FUT8: variants seen among roughly 807,000 people sequenced by gnomAD.
FUT8 encodes fucosyltransferase 8.
Under a neutral mutation model 71.3 loss-of-function variants are expected in FUT8, and 29 were observed. That is an observed-to-expected ratio of 0.41 (90% CI 0.30 to 0.55). FUT8 has a LOEUF of 0.55. Ranked by LOEUF, FUT8 falls within the 20% of genes least tolerant of loss-of-function variation. The probability of loss-of-function intolerance (pLI) is 0.34; values close to 1 mark genes in which losing one functional copy is unlikely to be tolerated. For missense variants in FUT8, 544 were observed against 702.1 expected, an observed-to-expected ratio of 0.77 and a Z score of 2.55; for synonymous variants, 254 against 239.3, an observed-to-expected ratio of 1.06 and a Z score of -0.57.
In FUT8 at chr14:65,742,354, G is replaced by A. The variant is rs1896546419; in HGVS notation, c.1672G>A (p.Val558Ile). 1.2e-6 allele frequency: 2 copies of A among 1,612,768 alleles called. No individual in the cohort carries two copies. The highest frequency in any genetic ancestry group is 1.7e-6 in the Non-Finnish European group (2 of 1,179,204). The stretch of plus-strand genomic sequence containing the variant: ...GACGGGCCTATATCCCTCCTACAAA[G>A]TTCGAGAGAAGATAGAAACGGTCAA... ...GRTGLYPSYK[V>I]REKIETVKYP... Residue 558 changes from valine (V) to isoleucine (I), a missense_variant, in exon 11 of 11, where the codon GTT (valine) becomes ATT (isoleucine). Transcript: ENST00000673929.
intron 2 of FUT8, among the ~76,000 whole-genome samples, chr14:65,508,608 C>T (rs1462510888): frequency 1.5e-5 from 2 of 136,196 alleles, no homozygotes; most frequent in Non-Finnish European, 3.1e-5. Flanking sequence ...TCAAGCAATT[C>T]TGTTGCCTCA....
chr14:65,421,745 C>CA lies in FUT8; in HGVS notation c.-326+8531_-326+8532insA, dbSNP rs2065299968. Among the ~76,000 whole-genome samples the CA allele has an allele frequency of 4.7e-5, 3 of 64,434 alleles. 1 individual carries two copies. Among genetic ancestry groups the CA allele is most frequent in the African/African-American group, 1.4e-4 (3 of 21,274 alleles). The allele number at this position is 64,434 out of a possible 152,430, so 42.3% of individuals were successfully genotyped here. A position where few individuals can be genotyped will look rare whatever the true frequency, so the allele number is the denominator to read the frequency against. ...TCTTGAAACCCTTTAACCCACCCCC[C>CA]CCTTTTTTTTTTTTTGCCATATCCA... is the stretch of plus-strand genomic sequence containing the variant. On this transcript the variant is annotated intron_variant, in intron 1 of 10. Coordinates refer to ENST00000673929, the MANE Select transcript of FUT8 (RefSeq NM_001371533.1).
chr14:65,524,507 T>C (rs1781341565), intron 2 of FUT8, among the ~76,000 whole-genome samples: 1 of 152,220 alleles, frequency 6.6e-6, no homozygotes, highest in Non-Finnish European at 1.5e-5. Context: ...TATACAATCA[T>C]GTCATCTGCA....
chr14:65,658,072 C>G (rs1891774703), intron 6 of FUT8, among the ~76,000 whole-genome samples: 1 of 152,024 alleles, frequency 6.6e-6, no homozygotes, highest in Non-Finnish European at 1.5e-5. Context: ...ACATGTCCAA[C>G]GAAGGCATGT....
In FUT8 at chr14:65,413,787, C is replaced by G. The variant is rs2065178140; in HGVS notation, c.-326+573C>G. Among the ~76,000 whole-genome samples, 1 of 152,162 alleles carries G rather than the reference C, an allele frequency of 6.6e-6. No individual in the cohort carries two copies. The highest frequency in any genetic ancestry group is 1.5e-5 in the Non-Finnish European group (1 of 68,030). On this transcript the variant is annotated intron_variant, in intron 1 of 10. Coordinates refer to ENST00000673929, the MANE Select transcript of FUT8 (RefSeq NM_001371533.1). This position sits in a 1 kb window ranked among gnomAD's most constrained non-coding sequence, Gnocchi z 4.1. ...TCCCTTTTGATGTGCAAATGACGAG[C>G]TGGCGGCTTTTGAGTATCAACTTAT...
At chr14:65,525,213 G>A (rs1012041817) in intron 2 of FUT8, among the ~76,000 whole-genome samples, 16 of 151,872 alleles carry the variant, frequency 1.1e-4, no homozygotes, top group Non-Finnish European at 2.1e-4. Context: ...TTGGTTGGTA[G>A]GCTATTAATC....
intron 7 of FUT8, among the ~76,000 whole-genome samples, chr14:65,693,856 A>G (rs1300535519): frequency 2.6e-5 from 4 of 152,134 alleles, no homozygotes; most frequent in Admixed American, 6.5e-5. Context: ...TGTTTATTCT[A>G]TTTCTTTGAT....
At chr14:65,692,303 G>A (rs1168870039) in intron 7 of FUT8, among the ~76,000 whole-genome samples, 10 of 149,214 alleles carry the variant, frequency 6.7e-5, no homozygotes, top group African/African-American at 1.7e-4. Context: ...CAGTAGGGGC[G>A]GCCAGGCAGA....
At chr14:65,530,961 TA>T (rs1337536125) in intron 2 of FUT8, among the ~76,000 whole-genome samples, 1 of 147,088 alleles carries the variant, frequency 6.8e-6, no homozygotes, top group East Asian at 2.1e-4. Flanking sequence ...TTTTTATTGG[TA>T]AAAAGTATGG....
chr14:65,589,351 A>T (rs1421144571), intron 3 of FUT8, among the ~76,000 whole-genome samples: 1 of 151,980 alleles, frequency 6.6e-6, no homozygotes, highest in Non-Finnish European at 1.5e-5. Context: ...CTTGGCATAG[A>T]GACTTAGAAT....
intron 9 of FUT8, among the ~76,000 whole-genome samples, chr14:65,732,138 CTG>C (rs1760241266): frequency 6.6e-6 from 1 of 152,130 alleles, no homozygotes; most frequent in Admixed American, 6.5e-5. Flanking sequence ...AGAAGGCAAA[CTG>C]TCAAAAATAA....
the FUT8 span, among the ~76,000 whole-genome samples, chr14:65,385,476 T>A: frequency 6.6e-6 from 1 of 152,192 alleles, no homozygotes; most frequent in Non-Finnish European, 1.5e-5. Context: ...CTATTCTTTA[T>A]AAATACCAAC....
At chr14:65,700,530 A>C (rs1594913841) in intron 7 of FUT8, among the ~76,000 whole-genome samples, 1 of 151,588 alleles carries the variant, frequency 6.6e-6, no homozygotes, top group Non-Finnish European at 1.5e-5. Flanking sequence ...AGCTGGGACT[A>C]CAGGCACCCG....
At chr14:65,737,463 C>T (rs953239404) in intron 10 of FUT8, among the ~76,000 whole-genome samples, 10 of 152,086 alleles carry the variant, frequency 6.6e-5, no homozygotes, top group African/African-American at 1.9e-4. Flanking sequence ...TACTGGAAAT[C>T]GCCTATGTGC....
rs543695112 is a variant in FUT8 at position 65,556,778 on chromosome 14, C to T, written c.-227-4559C>T. ...ATGGGTCTATAAAATAATGTAACAA[C>T]GTCAATATATACCACATAATAATTT... On this transcript the variant is annotated intron_variant, in intron 2 of 10. Transcript: ENST00000673929. Among the ~76,000 whole-genome samples, 12 of 152,264 alleles carry T rather than the reference C, an allele frequency of 7.9e-5. No homozygotes were observed. The South Asian group carries it at 8.3e-4, about 11-fold the overall frequency.
chr14:65,522,134 T>C (rs1468861649), intron 2 of FUT8, among the ~76,000 whole-genome samples: 1 of 152,160 alleles, frequency 6.6e-6, no homozygotes, highest in East Asian at 1.9e-4. Flanking sequence ...ATGGAAAACC[T>C]CCTTGCTGTG....
At chr14:65,479,730 T>C (rs2066300649) in intron 2 of FUT8, 1 of 152,098 alleles carries the variant, frequency 6.6e-6, no homozygotes, top group Non-Finnish European at 1.5e-5. Flanking sequence ...CAGCAATAAG[T>C]TGAATTATGG....
chr14:65,645,825 C>G (rs1200635767), intron 6 of FUT8: 1 of 152,170 alleles, frequency 6.6e-6, no homozygotes, highest in Non-Finnish European at 1.5e-5. Context: ...GGGACACATT[C>G]ATATCACAGT....
chr14:65,678,183 T>G, intron 7 of FUT8, among the ~76,000 whole-genome samples: 1 of 152,228 alleles, frequency 6.6e-6, no homozygotes, highest in East Asian at 1.9e-4. Context: ...AATAGCATGA[T>G]TGGGTTATAG....
Sources: allele counts gnomAD v4.1 joint callset (sites outside exome capture counted in the v4.1 genomes callset), GRCh38; gene constraint gnomAD v4.1.1; non-coding constraint Gnocchi (gnomAD v3.1); transcripts MANE v1.5; gene names NCBI Gene and HGNC (gene_info 2026-07-23, HGNC 2026-07-21).